TAX1BP1: variants seen among roughly 807,000 people sequenced by gnomAD.
TAX1BP1 encodes the protein Tax1 binding protein 1.
Under a neutral mutation model 97.7 loss-of-function variants are expected in TAX1BP1, and 62 were observed. That is an observed-to-expected ratio of 0.63 (90% CI 0.52 to 0.78). The LOEUF is 0.78. TAX1BP1 is among the 30% of genes least tolerant of loss of function. TAX1BP1 has a pLI of 0.00. For synonymous variants in TAX1BP1, 340 were observed against 304.2 expected (o/e 1.12, Z -1.23); for missense variants, 867 against 916.1 (o/e 0.95, Z 0.69).
Position 27,785,210 on chromosome 7 carries a change from TAAG to T in TAX1BP1, c.665_667del (p.Lys222del). On this transcript the variant is annotated inframe_deletion, in exon 6 of 17. Coordinates refer to ENST00000396319, the MANE Select transcript of TAX1BP1 (RefSeq NM_006024.7). ...GCTTAAAAATGGAAAATGAAGAGTT[TAAG>T]AAGAGGTTCAGTGATGCTACATCCA... 1 of 1,613,106 alleles carries T rather than the reference TAAG, an allele frequency of 6.2e-7. No individual in the cohort carries two copies. The highest frequency in any genetic ancestry group is 8.5e-7 in the Non-Finnish European group (1 of 1,179,460).
At chr7:27,760,917 G>T (rs1462766783) in intron 3 of TAX1BP1, among the ~76,000 whole-genome samples, 1 of 152,168 alleles carries the variant, frequency 6.6e-6, no homozygotes, top group African/African-American at 2.4e-5. Context: ...TTGGTCTGTG[G>T]TATGGCCTGG....
intron 13 of TAX1BP1, among the ~76,000 whole-genome samples, chr7:27,803,354 A>G (rs762288604): frequency 1.2e-4 from 18 of 152,220 alleles, no homozygotes; most frequent in Admixed American, 2.6e-4. Flanking sequence ...TTGTAATAGG[A>G]AACATTTTTG....
Position 27,785,301 on chromosome 7 carries a change from G to A in TAX1BP1, c.751G>A (p.Glu251Lys), listed in dbSNP as rs745734036. The change falls in exon 6 of 17, where the codon GAA (glutamate) becomes AAA (lysine). Residue 251 changes from glutamate to lysine, a missense_variant. Glu to Lys is a moderately conservative substitution (Grantham distance 56). Coordinates refer to ENST00000396319, the MANE Select transcript of TAX1BP1 (RefSeq NM_006024.7). ...VTHKAIEKET[E>K]LDSLKDKLKK... ...ACATAAAGCAATTGAAAAAGAAACC[G>A]AATTAGACAGGTATTTCTCATGCTT... 2.3e-5 allele frequency: 37 copies of A among 1,605,552 alleles called. No individual in the cohort carries two copies. Among genetic ancestry groups the A allele is most frequent in the Non-Finnish European group, 3.0e-5 (35 of 1,177,604 alleles).
intron 15 of TAX1BP1, among the ~76,000 whole-genome samples, chr7:27,821,508 G>A (rs563550445): frequency 2.0e-5 from 3 of 151,962 alleles, no homozygotes; most frequent in Admixed American, 1.3e-4. Context: ...GGTGGTGCAC[G>A]CCAGTAATCC....
At chr7:27,741,691 G>C (rs1787611719) in intron 1 of TAX1BP1, among the ~76,000 whole-genome samples, 1 of 152,004 alleles carries the variant, frequency 6.6e-6, no homozygotes, top group Non-Finnish European at 1.5e-5. Flanking sequence ...CACACCTGTG[G>C]GTGTTTCTCG....
At chr7:27,806,666 A>G (rs992179494) in intron 13 of TAX1BP1, among the ~76,000 whole-genome samples, 1 of 152,094 alleles carries the variant, frequency 6.6e-6, no homozygotes, top group African/African-American at 2.4e-5. Context: ...TTTGTAGTCT[A>G]TTTTAATATT....
chr7:27,752,905 A>T (rs1210907938), intron 2 of TAX1BP1, among the ~76,000 whole-genome samples: 1 of 152,230 alleles, frequency 6.6e-6, no homozygotes, highest in Admixed American at 6.5e-5. Flanking sequence ...TAAGTGAGAG[A>T]TCTGATTATT....
intron 13 of TAX1BP1, among the ~76,000 whole-genome samples, chr7:27,809,026 A>G (rs1186074846): frequency 6.6e-6 from 1 of 151,818 alleles, no homozygotes; most frequent in Non-Finnish European, 1.5e-5. Context: ...AAGGAAACAC[A>G]TTATTGTAGT....
chr7:27,828,595 GA>G, intron 16 of TAX1BP1, 32 bp from the exon 17 acceptor site: 2 of 1,597,216 alleles, frequency 1.3e-6, no homozygotes, highest in Non-Finnish European at 1.7e-6. Flanking sequence ...ACATTTATTA[GA>G]AACATGTAAT....
At position 27,785,291 on chromosome 7, in the gene TAX1BP1, AAAAG is replaced by A; in HGVS notation, c.745_748del (p.Glu249ProfsTer3). ...TGTCAGTAACACATAAAGCAATTGA[AAAAG>A]AAACCGAATTAGACAGGTATTTCTC... On this transcript the variant is annotated frameshift_variant, in exon 6 of 17. Transcript: ENST00000396319. LOFTEE classifies it high-confidence loss of function. 6.2e-7 allele frequency: 1 copy of A among 1,609,640 alleles called. No individual in the cohort carries two copies. Among genetic ancestry groups the A allele is most frequent in the Middle Eastern group, 1.7e-4 (1 of 6,034 alleles).
At chr7:27,823,594 C>T (rs182643489) in intron 15 of TAX1BP1, among the ~76,000 whole-genome samples, 29 of 152,202 alleles carry the variant, frequency 1.9e-4, no homozygotes, top group Non-Finnish European at 3.8e-4. Flanking sequence ...GTATGTATTG[C>T]CATAACTTGA....
intron 3 of TAX1BP1, among the ~76,000 whole-genome samples, chr7:27,764,849 A>G (rs937149048): frequency 8.0e-5 from 12 of 149,990 alleles, no homozygotes; most frequent in Non-Finnish European, 1.6e-4. Flanking sequence ...TGTTACTTAA[A>G]TTGTTTCAGC....
intron 14 of TAX1BP1, 99 bp downstream of exon 14, chr7:27,816,619 A>C (rs1269313751): frequency 2.8e-6 from 3 of 1,083,722 alleles, no homozygotes; most frequent in Non-Finnish European, 3.9e-6. Context: ...AATCAACCCT[A>C]ATACAAACAT....
At chr7:27,804,879 G>A (rs560138703) in intron 13 of TAX1BP1, among the ~76,000 whole-genome samples, 1 of 152,228 alleles carries the variant, frequency 6.6e-6, no homozygotes, top group African/African-American at 2.4e-5. Context: ...TTAAACAGCT[G>A]TGTAGTACTT....
intron 13 of TAX1BP1, among the ~76,000 whole-genome samples, chr7:27,807,100 T>C (rs1031734708): frequency 2.6e-5 from 4 of 152,184 alleles, no homozygotes; most frequent in African/African-American, 9.6e-5. Context: ...TTTTAAATTT[T>C]TATGTAATTT....
At chr7:27,826,338 ACTT>A (rs1562749574) in intron 15 of TAX1BP1, among the ~76,000 whole-genome samples, 2 of 152,148 alleles carry the variant, frequency 1.3e-5, no homozygotes, top group Non-Finnish European at 2.9e-5. Flanking sequence ...CCCTTCTTTT[ACTT>A]TTCAAGAGGG....
chr7:27,803,762 T>A (rs1003811070), intron 13 of TAX1BP1, among the ~76,000 whole-genome samples: 12 of 152,236 alleles, frequency 7.9e-5, no homozygotes, highest in African/African-American at 2.9e-4. Context: ...CTTGGGTACA[T>A]GTCTTTTTAG....
chr7:27,763,946 A>C (rs534916745), intron 3 of TAX1BP1, among the ~76,000 whole-genome samples: 2 of 152,328 alleles, frequency 1.3e-5, no homozygotes, highest in South Asian at 4.1e-4. Flanking sequence ...AGGAGGGTGG[A>C]TTTTTAAAAT....
chr7:27,759,190 A>G (rs996209060), intron 3 of TAX1BP1, among the ~76,000 whole-genome samples: 17 of 152,182 alleles, frequency 1.1e-4, no homozygotes, highest in Non-Finnish European at 1.9e-4. Context: ...AAGACATAAA[A>G]TTGCAAAGAA....
Sources: gnomAD v4.1 joint callset for allele counts (sites outside exome capture counted in the v4.1 genomes callset) on GRCh38, gnomAD v4.1.1 for gene constraint, MANE v1.5 for transcripts, NCBI Gene and HGNC (gene_info 2026-07-23, HGNC 2026-07-21) for gene names.